CACNA1C: variants seen among roughly 807,000 people sequenced by gnomAD.
CACNA1C encodes voltage-dependent L-type calcium channel subunit alpha-1C.
Under a neutral mutation model 229.0 loss-of-function variants are expected in CACNA1C, and 30 were observed. The ratio of observed to expected loss-of-function variants is 0.13; its 90% confidence interval spans 0.10 to 0.18. The LOEUF is 0.18. Ranked by LOEUF, CACNA1C falls within the 10% of genes least tolerant of loss-of-function variation. The pLI is 1.00. For synonymous variants in CACNA1C, 1,114 were observed against 1,132.5 expected, an observed-to-expected ratio of 0.98 and a Z score of 0.33; for missense variants, 1,658 against 2,845.0, an observed-to-expected ratio of 0.58 and a Z score of 9.49.
intron 1 of CACNA1C, among the ~76,000 whole-genome samples, chr12:2,085,577 T>C (rs2067263503): frequency 6.6e-6 from 1 of 152,142 alleles, no homozygotes. Flanking sequence ...TAATTATAAA[T>C]ACCCTTAGCT....
At chr12:2,222,538 G>A (rs571616162) in intron 3 of CACNA1C, 1 of 152,326 alleles carries the variant, frequency 6.6e-6, no homozygotes, top group African/African-American at 2.4e-5. Context: ...AAACCACAAT[G>A]TAAATATTAA....
intron 3 of CACNA1C, among the ~76,000 whole-genome samples, chr12:2,353,576 G>A (rs2097268547): frequency 6.6e-6 from 1 of 152,212 alleles, no homozygotes; most frequent in Admixed American, 6.5e-5. Context: ...AGGTCCGAAG[G>A]GCCCCATGGA....
chr12:2,316,277 T>C (rs1180538446), intron 3 of CACNA1C, among the ~76,000 whole-genome samples: 1 of 152,284 alleles, frequency 6.6e-6, no homozygotes, highest in African/African-American at 2.4e-5. Context: ...AGTGCCTGTG[T>C]TTCTGTGAGA....
chr12:1,997,878 C>T (rs1353508834), intron 1 of CACNA1C: 86 of 1,383,130 alleles, frequency 6.2e-5, no homozygotes, highest in Admixed American at 5.0e-4. Flanking sequence ...AGTGACACAA[C>T]GGAGCTAAAA....
intron 3 of CACNA1C, among the ~76,000 whole-genome samples, chr12:2,190,665 G>A (rs1050333001): frequency 2.0e-5 from 3 of 152,282 alleles, no homozygotes; most frequent in Admixed American, 6.5e-5. Context: ...GCCGGCAGGC[G>A]AGGAGGCTGT....
Position 2,682,545 on chromosome 12 carries a change from T to C in CACNA1C, c.5445-5T>C, listed in dbSNP as rs774679262. On this transcript the variant is annotated splice_region_variant and splice_polypyrimidine_tract_variant and intron_variant, in intron 42 of 46. Coordinates refer to ENST00000399655, the MANE Select transcript of CACNA1C (RefSeq NM_000719.7). ...TGATGTTTTTCTTCATCTTGGATAT[T>C]GTAGGTGCCACTCCCGGGAGAGCCA... 1 of 1,611,412 alleles carries C rather than the reference T, an allele frequency of 6.2e-7. No homozygotes were observed. Among genetic ancestry groups the C allele is most frequent in the Non-Finnish European group, 8.5e-7 (1 of 1,179,118 alleles).
rs1018484794 is a variant in CACNA1C at position 2,410,825 on chromosome 12, G to A, written c.478-38151G>A. On this transcript the variant is annotated intron_variant, in intron 3 of 46. Coordinates refer to ENST00000399655, the MANE Select transcript of CACNA1C (RefSeq NM_000719.7). This position sits in a 1 kb window ranked among gnomAD's most constrained non-coding sequence, Gnocchi z 5.3. Reference sequence around the variant, plus strand: ...TGTGTGTGTGTGCGTGTGCATGTGCGTGTGTGTGTTTCAGGAGCTGACCCT... The same window carrying A: ...TGTGTGTGTGTGCGTGTGCATGTGCATGTGTGTGTTTCAGGAGCTGACCCT... 5.9e-5 allele frequency among the ~76,000 whole-genome samples: 9 copies of A among 152,054 alleles called. No homozygotes were observed. Among genetic ancestry groups the A allele is most frequent in the Admixed American group, 2.6e-4 (4 of 15,272 alleles).
intron 1 of CACNA1C, among the ~76,000 whole-genome samples, chr12:2,021,315 C>G (rs2046402633): frequency 6.6e-6 from 1 of 152,178 alleles, no homozygotes; most frequent in South Asian, 2.1e-4. Flanking sequence ...GTAATTTAAA[C>G]ACAGAGATAG....
chr12:2,378,726 A>T (rs2098143219), intron 3 of CACNA1C, among the ~76,000 whole-genome samples: 1 of 151,846 alleles, frequency 6.6e-6, no homozygotes, highest in Non-Finnish European at 1.5e-5. Context: ...CTAAATCTTC[A>T]TTGCTCTCGG....
chr12:2,280,183 GCTGTGCTTCGGTTTAACCTCTTGAGACC>G, intron 3 of CACNA1C, among the ~76,000 whole-genome samples: 1 of 132,960 alleles, frequency 7.5e-6, no homozygotes, highest in African/African-American at 3.1e-5. Context: ...TTGATACTTT[GCTGTGCTTCGGTTTAACCTCTTGAGACC>G]TTGCTGTGCT....
rs572983937 is a variant in CACNA1C at position 2,508,239 on chromosome 12, C to G, written c.1217+3294C>G. 3.0e-4 allele frequency among the ~76,000 whole-genome samples: 46 copies of G among 152,344 alleles called. 1 individual carries two copies. Among genetic ancestry groups the G allele is most frequent in the African/African-American group, 1.1e-3 (46 of 41,572 alleles). ...AGGATAATATGATTTTATAGCCCTGCACAGTAACTCATCCTCATAAATTAT... is the reference window on the plus strand; with the variant it reads ...AGGATAATATGATTTTATAGCCCTGGACAGTAACTCATCCTCATAAATTAT... On this transcript the variant is annotated intron_variant, in intron 8 of 46. Transcript: ENST00000399655.
At chr12:2,080,660 A>G (rs994646265) in intron 1 of CACNA1C, among the ~76,000 whole-genome samples, 1 of 152,154 alleles carries the variant, frequency 6.6e-6, no homozygotes, top group Non-Finnish European at 1.5e-5. Context: ...ATAAAATAAT[A>G]GTGCTATATG....
At chr12:2,408,384 G>A (rs11831153) in intron 3 of CACNA1C, among the ~76,000 whole-genome samples, 27 of 152,240 alleles carry the variant, frequency 1.8e-4, no homozygotes, top group Non-Finnish European at 2.8e-4. Context: ...AATGGCTAAC[G>A]CAGTAAATTT....
intron 3 of CACNA1C, among the ~76,000 whole-genome samples, chr12:2,263,789 C>CA (rs1761150142): frequency 6.6e-6 from 1 of 151,822 alleles, no homozygotes; most frequent in African/African-American, 2.4e-5. Flanking sequence ...CCGAGATGGG[C>CA]AGGAGCTGGT....
intron 44 of CACNA1C, 51 bp from the exon 45 acceptor site, chr12:2,686,115 C>A: frequency 7.2e-7 from 1 of 1,392,790 alleles, no homozygotes; most frequent in Non-Finnish European, 1.0e-6. Flanking sequence ...CTGTCACAGG[C>A]CAGTGCCCTG....
chr12:2,527,772 C>A (rs543295533), intron 9 of CACNA1C, among the ~76,000 whole-genome samples: 1 of 152,194 alleles, frequency 6.6e-6, no homozygotes, highest in Admixed American at 6.5e-5. Flanking sequence ...CCCTGCTGTC[C>A]CCACAGGGGA....
chr12:2,026,316 G>A lies in CACNA1C; in HGVS notation c.139+55115G>A, dbSNP rs140935561. Among the ~76,000 whole-genome samples, 40 of 152,306 alleles carry A rather than the reference G, an allele frequency of 2.6e-4. 1 individual carries two copies. The East Asian group carries it at 6.6e-3, about 25-fold the overall frequency. On this transcript the variant is annotated intron_variant, in intron 1 of 46. Transcript: ENST00000682462. ...TTTTGGATTTTCCTGTTGGTAACGG[G>A]GAGCCTTGAAAATTCTTCGGGAGGG...
At chr12:2,230,797 T>A (rs1376228580) in intron 3 of CACNA1C, among the ~76,000 whole-genome samples, 1 of 152,186 alleles carries the variant, frequency 6.6e-6, no homozygotes, top group Non-Finnish European at 1.5e-5. Flanking sequence ...TTGCACAAGG[T>A]CCTGTTCTGA....
intron 1 of CACNA1C, among the ~76,000 whole-genome samples, chr12:2,093,209 G>A (rs952182281): frequency 2.0e-5 from 3 of 152,234 alleles, no homozygotes; most frequent in Non-Finnish European, 4.4e-5. Flanking sequence ...ATGTGTCTGT[G>A]TGGGTGACTA....
Sources: gnomAD v4.1 joint callset for allele counts (sites outside exome capture counted in the v4.1 genomes callset) on GRCh38, gnomAD v4.1.1 for gene constraint, Gnocchi (gnomAD v3.1) non-coding constraint, MANE v1.5 for transcripts, NCBI Gene and HGNC (gene_info 2026-07-23, HGNC 2026-07-21) for gene names.